HPGDS: variants seen among roughly 807,000 people sequenced by gnomAD.
HPGDS encodes the protein hematopoietic prostaglandin D synthase, also known as GST class-sigma.
In HPGDS, 26 loss-of-function variants were observed where a neutral mutation model predicts 23.1. That is an observed-to-expected ratio of 1.13 (90% CI 0.83 to 1.56). The LOEUF (loss-of-function observed/expected upper bound fraction) is 1.56. Ranked by LOEUF, HPGDS falls within the 40% of genes most tolerant of loss-of-function variation. HPGDS has a pLI of 0.00. For synonymous variants in HPGDS, 95 were observed against 77.9 expected, an observed-to-expected ratio of 1.22 and a Z score of -1.16; for missense variants, 268 against 236.4, an observed-to-expected ratio of 1.13 and a Z score of -0.88.
chr4:94,314,040 T>C (rs1756339424), intron 3 of HPGDS, among the ~76,000 whole-genome samples: 1 of 152,184 alleles, frequency 6.6e-6, no homozygotes, highest in Non-Finnish European at 1.5e-5. Context: ...GCCATTCATC[T>C]AATCTTTTTT....
chr4:94,316,585 A>G (rs1023168442), intron 3 of HPGDS, among the ~76,000 whole-genome samples: 118 of 152,374 alleles, frequency 7.7e-4, no homozygotes, highest in African/African-American at 2.7e-3. Flanking sequence ...ATCCTTCTAG[A>G]TCTTTCTAAT....
intron 1 of HPGDS, among the ~76,000 whole-genome samples, chr4:94,341,154 A>T (rs1199886106): frequency 6.6e-6 from 1 of 152,056 alleles, no homozygotes; most frequent in Admixed American, 6.5e-5. Context: ...TTTTCTTTAT[A>T]AATTACCCAG....
chr4:94,317,970 A>G lies in HPGDS; in HGVS notation c.134-5T>C, dbSNP rs1256291339. The G allele has an allele frequency of 6.4e-7, 1 of 1,552,650 alleles. No homozygotes were observed. Among genetic ancestry groups the G allele is most frequent in the Non-Finnish European group, 8.9e-7 (1 of 1,126,382 alleles). ...GGATTTTTCCAAATGGGAGAGCTTA[A>G]AATGAAATGAGCAAATAATTAACTT... On this transcript the variant is annotated splice_polypyrimidine_tract_variant and splice_region_variant and intron_variant, in intron 2 of 5. Coordinates refer to ENST00000295256, the MANE Select transcript of HPGDS (RefSeq NM_014485.3).
chr4:94,322,997 T>G (rs760731555), intron 2 of HPGDS, among the ~76,000 whole-genome samples: 4 of 152,238 alleles, frequency 2.6e-5, no homozygotes, highest in African/African-American at 4.8e-5. Context: ...AATATGTTTA[T>G]TTCTGCCTTC....
At chr4:94,315,676 T>C (rs1374150027) in intron 3 of HPGDS, among the ~76,000 whole-genome samples, 1 of 152,220 alleles carries the variant, frequency 6.6e-6, no homozygotes, top group Non-Finnish European at 1.5e-5. Context: ...ATGAATTGTA[T>C]GTAAATTATA....
rs527926836 is a variant in HPGDS at position 94,314,853 on chromosome 4, C to A, written c.226+3020G>T. Among the ~76,000 whole-genome samples the A allele has an allele frequency of 9.8e-5, 15 of 152,316 alleles. No homozygotes were observed. In the East Asian group the frequency reaches 2.9e-3, roughly 29 times the overall value. On this transcript the variant is annotated intron_variant, in intron 3 of 5. Coordinates refer to ENST00000295256, the MANE Select transcript of HPGDS (RefSeq NM_014485.3). ...CTCAGCAATGGTGGGCACCCCTCCC[C>A]CAGCCTCGCTGCCGCCTTGCAGTTT...
chr4:94,302,638 GA>G (rs1756065222), intron 4 of HPGDS, among the ~76,000 whole-genome samples: 1 of 151,990 alleles, frequency 6.6e-6, no homozygotes, highest in African/African-American at 2.4e-5. Flanking sequence ...TGAAGGTAAA[GA>G]AATTTATTTT....
chr4:94,341,005 C>G (rs1721159837), intron 1 of HPGDS, among the ~76,000 whole-genome samples: 1 of 151,796 alleles, frequency 6.6e-6, no homozygotes, highest in Admixed American at 6.6e-5. Context: ...ACCACCGCGC[C>G]CAGCTAATTT....
At chr4:94,312,590 T>C (rs1437171327) in intron 3 of HPGDS, among the ~76,000 whole-genome samples, 1 of 152,200 alleles carries the variant, frequency 6.6e-6, no homozygotes, top group Non-Finnish European at 1.5e-5. Flanking sequence ...AAGTGTGGTG[T>C]GGTGCTGAGA....
chr4:94,319,761 T>C (rs1306949241), intron 2 of HPGDS, among the ~76,000 whole-genome samples: 1 of 152,136 alleles, frequency 6.6e-6, no homozygotes, highest in Non-Finnish European at 1.5e-5. Flanking sequence ...AGACTATTTC[T>C]CCCTCATTTT....
rs532741447 is a variant in HPGDS, at chr4:94,299,751, G to C, written c.436-107C>G. 4.9e-5 allele frequency: 51 copies of C among 1,037,920 alleles called. No homozygotes were observed. In the East Asian group the frequency reaches 1.3e-3, roughly 26 times the overall value. 64.3% of individuals were successfully genotyped at this position (1,037,920 alleles called of 1,614,324 possible). On this transcript the variant is annotated intron_variant, in intron 5 of 5. Coordinates refer to ENST00000295256, the MANE Select transcript of HPGDS (RefSeq NM_014485.3). ...AATCTAAAAGATTCAAAACAATCTT[G>C]TTATTACAAAAGCAGAATGTTTATA...
chr4:94,333,018 A>C (rs1446769789), intron 2 of HPGDS, among the ~76,000 whole-genome samples: 1 of 152,224 alleles, frequency 6.6e-6, no homozygotes, highest in South Asian at 2.1e-4. Flanking sequence ...ATGTAAACTC[A>C]TATGTGCAAT....
intron 2 of HPGDS, among the ~76,000 whole-genome samples, chr4:94,324,581 G>A (rs181982072): frequency 2.4e-4 from 37 of 152,214 alleles, no homozygotes; most frequent in Admixed American, 4.6e-4. Flanking sequence ...GCATCATGAT[G>A]TTCTCATCCC....
chr4:94,308,294 G>A (rs1756177591), intron 4 of HPGDS, among the ~76,000 whole-genome samples: 1 of 152,042 alleles, frequency 6.6e-6, no homozygotes, highest in African/African-American at 2.4e-5. Context: ...AGACTTTCAG[G>A]TTAGGAATGC....
chr4:94,318,671 C>A (rs1239494348), intron 2 of HPGDS, among the ~76,000 whole-genome samples: 1 of 151,928 alleles, frequency 6.6e-6, no homozygotes, highest in Non-Finnish European at 1.5e-5. Flanking sequence ...TATGGCCCAT[C>A]CTGTGTGCTG....
At chr4:94,336,778 G>C (rs562891632) in intron 1 of HPGDS, among the ~76,000 whole-genome samples, 1 of 152,086 alleles carries the variant, frequency 6.6e-6, no homozygotes, top group Non-Finnish European at 1.5e-5. Flanking sequence ...AAAGGTCTAA[G>C]AGCACGAAAA....
chr4:94,308,453 A>T (rs1357973180), intron 4 of HPGDS, among the ~76,000 whole-genome samples, 181 bp downstream of exon 4: 1 of 152,152 alleles, frequency 6.6e-6, no homozygotes, highest in East Asian at 1.9e-4. Context: ...TCTGGGGAGG[A>T]GTTAATGTGA....
intron 2 of HPGDS, among the ~76,000 whole-genome samples, chr4:94,326,016 A>G (rs535757424): frequency 6.7e-6 from 1 of 148,564 alleles, no homozygotes; most frequent in African/African-American, 2.5e-5. Context: ...ATATCATTCC[A>G]TTGTCTCCTG....
At chr4:94,327,792 C>T (rs1256468975) in intron 2 of HPGDS, among the ~76,000 whole-genome samples, 1 of 152,202 alleles carries the variant, frequency 6.6e-6, no homozygotes, top group African/African-American at 2.4e-5. Context: ...AGCCACAACA[C>T]TTAAGTGAAG....
Sources: allele counts gnomAD v4.1 joint callset (sites outside exome capture counted in the v4.1 genomes callset), GRCh38; gene constraint gnomAD v4.1.1; transcripts MANE v1.5; gene names NCBI Gene and HGNC (gene_info 2026-07-23, HGNC 2026-07-21).